The following PCDHGA12 variants were observed in gnomAD, a reference collection of about 807,000 sequenced individuals.
The protein encoded by PCDHGA12 is protocadherin gamma subfamily A, 12, also known as protocadherin gamma-A12.
Under a neutral mutation model 61.1 loss-of-function variants are expected in PCDHGA12, and 43 were observed. The observed-to-expected ratio is 0.70, with a 90% CI of 0.55 to 0.91. PCDHGA12 has a LOEUF of 0.91. Among genes scored for constraint, PCDHGA12 ranks in the 40% least tolerant of loss-of-function variants. PCDHGA12 has a pLI of 0.00. For missense variants in PCDHGA12, 1,236 were observed against 1,227.7 expected (o/e 1.01, Z -0.10); for synonymous variants, 520 against 542.9 (o/e 0.96, Z 0.59).
intron 1 of PCDHGA12, among the ~76,000 whole-genome samples, chr5:141,460,959 A>ATG (rs1248175237): frequency 7.9e-6 from 1 of 126,082 alleles, no homozygotes; most frequent in Non-Finnish European, 1.6e-5. Flanking sequence ...ATGTATATAT[A>ATG]TATGTGTGTG....
intron 1 of PCDHGA12, 108 bp from the exon 2 acceptor site, chr5:141,494,699 T>G: frequency 6.3e-7 from 1 of 1,592,240 alleles, no homozygotes; most frequent in East Asian, 2.3e-5. Context: ...GTCCGTTTTC[T>G]TCTCTGTGCC....
intron 1 of PCDHGA12, among the ~76,000 whole-genome samples, chr5:141,445,902 T>C (rs1022574381): frequency 3.9e-5 from 6 of 152,186 alleles, no homozygotes; most frequent in Non-Finnish European, 8.8e-5. Context: ...TTAAAATATT[T>C]TAAACAAGGC....
chr5:141,431,222 C>T lies in PCDHGA12; in HGVS notation c.463C>T (p.Pro155Ser). The change falls in exon 1 of 4, where the codon CCC becomes TCC. Residue 155 changes from proline to serine, a missense_variant. Pro to Ser is a moderately conservative substitution (Grantham distance 74). Transcript: ENST00000252085. The surrounding 1 kb of genome is among the most constrained non-coding windows in gnomAD (Gnocchi z 4.8). ...AGCCACTGAGATGCGGTTCCCTCTA[C>T]CCCACGCCTGGGATCCGGATATCGG... ...NAATEMRFPL[P>S]HAWDPDIGKN... The T allele has an allele frequency of 6.2e-7, 1 of 1,614,170 alleles. No individual in the cohort carries two copies. Among genetic ancestry groups the T allele is most frequent in the South Asian group, 1.1e-5 (1 of 91,090 alleles).
intron 1 of PCDHGA12, among the ~76,000 whole-genome samples, chr5:141,474,234 T>C (rs1458919904): frequency 6.6e-6 from 1 of 152,204 alleles, no homozygotes; most frequent in Non-Finnish European, 1.5e-5. Flanking sequence ...TAAGTGATGC[T>C]GAATAGGGGA....
chr5:141,479,269 A>C (rs1279389471), intron 1 of PCDHGA12: 1 of 152,374 alleles, frequency 6.6e-6, no homozygotes, highest in Non-Finnish European at 1.5e-5. Context: ...TAAAAGTAAT[A>C]ATTTATTTCA....
intron 1 of PCDHGA12, among the ~76,000 whole-genome samples, chr5:141,484,322 T>C (rs2099594801): frequency 6.6e-6 from 1 of 152,214 alleles, no homozygotes; most frequent in Non-Finnish European, 1.5e-5. Flanking sequence ...TTCCATACTG[T>C]CCTTGAAATC....
chr5:141,451,682 G>GA (rs1401536376), intron 1 of PCDHGA12, among the ~76,000 whole-genome samples: 1 of 152,128 alleles, frequency 6.6e-6, no homozygotes, highest in Non-Finnish European at 1.5e-5. Flanking sequence ...AGGAGTTCAA[G>GA]ACCAGCCTGG....
intron 3 of PCDHGA12, among the ~76,000 whole-genome samples, chr5:141,508,738 A>C (rs1596171196): frequency 7.1e-5 from 10 of 141,304 alleles, no homozygotes; most frequent in Admixed American, 1.4e-4. Context: ...TACACCCCCC[A>C]CCCCGCTCTT....
At chr5:141,474,606 T>C (rs1156236978) in intron 1 of PCDHGA12, among the ~76,000 whole-genome samples, 1 of 152,242 alleles carries the variant, frequency 6.6e-6, no homozygotes, top group Non-Finnish European at 1.5e-5. Context: ...ATAGGTCACA[T>C]ATGGCTTTTC....
intron 1 of PCDHGA12, among the ~76,000 whole-genome samples, chr5:141,451,364 C>T (rs970149151): frequency 3.9e-5 from 6 of 152,078 alleles, no homozygotes; most frequent in Middle Eastern, 3.2e-3. Context: ...AGGATGGATC[C>T]GCTTCTAATC....
rs1317717658 is a variant in PCDHGA12, at chr5:141,476,494, G to A, written c.2425-18313G>A. On this transcript the variant is annotated intron_variant, in intron 1 of 3. Coordinates refer to ENST00000252085, the MANE Select transcript of PCDHGA12 (RefSeq NM_003735.3). The surrounding 1 kb of genome is among the most constrained non-coding windows in gnomAD (Gnocchi z 7.6). ...TGTTCAGCGTGGAAGTGGTGATCCA[G>A]GACATCAACGACAACAATCCTGCTT... The A allele has an allele frequency of 6.2e-7, 1 of 1,614,012 alleles. No individual in the cohort carries two copies. The highest frequency in any genetic ancestry group is 8.5e-7 in the Non-Finnish European group (1 of 1,179,988).
intron 1 of PCDHGA12, among the ~76,000 whole-genome samples, chr5:141,459,059 A>G (rs1219921155): frequency 2.6e-5 from 4 of 152,228 alleles, no homozygotes; most frequent in African/African-American, 4.8e-5. Context: ...AGTATAATTT[A>G]TATAACATAA....
In PCDHGA12 at chr5:141,488,435, C is replaced by T. The variant is rs111661764; in HGVS notation, c.2425-6372C>T. Among the ~76,000 whole-genome samples, 87 of 152,276 alleles carry T rather than the reference C, an allele frequency of 5.7e-4. 1 individual carries two copies. The highest frequency in any genetic ancestry group is 1.6e-3 in the African/African-American group (67 of 41,546). On this transcript the variant is annotated intron_variant, in intron 1 of 3. Transcript: ENST00000252085. ...AAGCCATCCATGCTTGGCCTCTGAC[C>T]ACCCTCCTGGGTGACCTGATTCAGC...
chr5:141,481,646 C>T (rs1425216422), intron 1 of PCDHGA12, among the ~76,000 whole-genome samples: 1 of 151,950 alleles, frequency 6.6e-6, no homozygotes, highest in African/African-American at 2.4e-5. Flanking sequence ...GGTGAAACTT[C>T]ATCTCTACTA....
intron 1 of PCDHGA12, among the ~76,000 whole-genome samples, chr5:141,445,920 A>C (rs1343777309): frequency 6.6e-6 from 1 of 152,212 alleles, no homozygotes; most frequent in African/African-American, 2.4e-5. Context: ...GGCAGTGACA[A>C]GATATTTGAA....
Position 141,432,670 on chromosome 5 carries a change from G to A in PCDHGA12, c.1911G>A (p.Ala637=), listed in dbSNP as rs749221752. ...RTARALLDRD[A]LKQSLVVAVQ... ...CGCGAGCCCTGCTGGACAGAGACGC[G>A]CTCAAGCAGAGCCTCGTAGTGGCCG... Residue 637 remains alanine, a synonymous_variant, in exon 1 of 4, where the codon GCG becomes GCA. Coordinates refer to ENST00000252085, the MANE Select transcript of PCDHGA12 (RefSeq NM_003735.3). The surrounding 1 kb of genome is among the most constrained non-coding windows in gnomAD (Gnocchi z 6.0). The A allele has an allele frequency of 6.8e-6, 11 of 1,613,748 alleles. No individual in the cohort carries two copies. The East Asian group carries it at 1.8e-4, about 26-fold the overall frequency.
At position 141,477,532 on chromosome 5, in the gene PCDHGA12, CG is replaced by C; in HGVS notation, c.2425-17271del. 6.2e-7 allele frequency: 1 copy of C among 1,614,146 alleles called. No individual in the cohort carries two copies. The highest frequency in any genetic ancestry group is 8.5e-7 in the Non-Finnish European group (1 of 1,180,028). Reference sequence around the variant, plus strand: ...TTTACATTGAAGAAAACAACCTCCCCGGGGCTCCAATACTAAACCTAAGTGT... The same window carrying C: ...TTTACATTGAAGAAAACAACCTCCCCGGGCTCCAATACTAAACCTAAGTGT... On this transcript the variant is annotated intron_variant, in intron 1 of 3. Transcript: ENST00000252085. This position sits in a 1 kb window ranked among gnomAD's most constrained non-coding sequence, Gnocchi z 4.9.
Position 141,432,442 on chromosome 5 carries a change from G to A in PCDHGA12, c.1683G>A (p.Glu561=). 1 of 1,614,228 alleles carries A rather than the reference G, an allele frequency of 6.2e-7. No individual in the cohort carries two copies. Among genetic ancestry groups the A allele is most frequent in the Non-Finnish European group, 8.5e-7 (1 of 1,180,042 alleles). Residue 561 remains glutamate (E), a synonymous_variant, in exon 1 of 4, where the codon GAG becomes GAA. Transcript: ENST00000252085. The surrounding 1 kb of genome is among the most constrained non-coding windows in gnomAD (Gnocchi z 6.0). ...TGGACCAGAACGACAATGCGCCCGA[G>A]ATCCTGTACCCCGCCCTCCCCACGG... ...FVLDQNDNAP[E]ILYPALPTDG...
chr5:141,500,680 T>C (rs999167635), intron 2 of PCDHGA12, among the ~76,000 whole-genome samples: 7 of 152,224 alleles, frequency 4.6e-5, no homozygotes, highest in Non-Finnish European at 7.3e-5. Context: ...AACAGAATTA[T>C]AGCTTTTTTC....
Sources: gnomAD v4.1 joint callset for allele counts (sites outside exome capture counted in the v4.1 genomes callset) on GRCh38, gnomAD v4.1.1 for gene constraint, Gnocchi (gnomAD v3.1) non-coding constraint, MANE v1.5 for transcripts, NCBI Gene and HGNC (gene_info 2026-07-23, HGNC 2026-07-21) for gene names.